POC1B: variants seen among roughly 807,000 people sequenced by gnomAD.
POC1B encodes POC1 centriolar protein B.
A neutral mutation model predicts 60.6 loss-of-function variants in POC1B; 44 were observed. The ratio of observed to expected loss-of-function variants is 0.73; its 90% CI spans 0.57 to 0.93. The LOEUF (loss-of-function observed/expected upper bound fraction) is 0.93, where lower values mean the gene tolerates loss of function less well. Ranked by LOEUF, POC1B falls within the 40% of genes least tolerant of loss-of-function variation. The pLI is 0.00. For synonymous variants in POC1B, 180 were observed against 198.9 expected (o/e 0.90, Z 0.80); for missense variants, 555 against 572.3 (o/e 0.97, Z 0.31).
chr12:89,510,863 T>C (rs997757801), intron 2 of POC1B, among the ~76,000 whole-genome samples: 1 of 150,568 alleles, frequency 6.6e-6, no homozygotes, highest in African/African-American at 2.4e-5. Flanking sequence ...GTTCAAGCAA[T>C]TCTCCTGCCT....
chr12:89,421,462 A>C (rs955130580), intron 11 of POC1B, among the ~76,000 whole-genome samples: 58 of 152,314 alleles, frequency 3.8e-4, no homozygotes, highest in African/African-American at 1.3e-3. Context: ...AGAAAAGAAA[A>C]GAAAAAGAAA....
At chr12:89,497,033 CTT>C (rs1345311840) in intron 3 of POC1B, 136 bp downstream of exon 3, 12 of 871,012 alleles carry the variant, frequency 1.4e-5, no homozygotes, top group Non-Finnish European at 2.1e-5. Flanking sequence ...ATTAGTTTGA[CTT>C]TACCACAAGG....
intron 9 of POC1B, among the ~76,000 whole-genome samples, chr12:89,466,162 C>T (rs1882676849): frequency 6.6e-6 from 1 of 152,180 alleles, no homozygotes; most frequent in African/African-American, 2.4e-5. Flanking sequence ...AATAGGCTAA[C>T]ATCAGCTAAG....
At chr12:89,509,884 T>C (rs556188870) in intron 2 of POC1B, among the ~76,000 whole-genome samples, 10 of 152,224 alleles carry the variant, frequency 6.6e-5, no homozygotes, top group Non-Finnish European at 1.3e-4. Context: ...CTCACTCTGT[T>C]GCCCAGGCTG....
Position 89,425,430 on chromosome 12 carries a change from AT to A in POC1B, c.1114-52del, listed in dbSNP as rs779805679. On this transcript the variant is annotated intron_variant, in intron 10 of 11. Transcript: ENST00000313546. ...AGAGTTATATTTTCCAAACTTTAAA[AT>A]GATATATATAAAAGTTTAAAATATT... 3.4e-6 allele frequency: 5 copies of A among 1,454,180 alleles called. No homozygotes were observed. The South Asian group carries it at 6.4e-5, about 19-fold the overall frequency. 90.1% of individuals were successfully genotyped at this position (1,454,180 alleles called of 1,614,324 possible).
intron 10 of POC1B, among the ~76,000 whole-genome samples, chr12:89,438,610 C>A (rs1231757843): frequency 6.6e-6 from 1 of 152,258 alleles, no homozygotes; most frequent in African/African-American, 2.4e-5. Context: ...GCTGCCATGA[C>A]ACCATACTCT....
chr12:89,516,447 T>C (rs1024447027), intron 2 of POC1B, among the ~76,000 whole-genome samples: 6 of 152,176 alleles, frequency 3.9e-5, no homozygotes, highest in Admixed American at 3.9e-4. Flanking sequence ...TTATCCTAGT[T>C]TGAACCAACA....
At position 89,459,859 on chromosome 12, in the gene POC1B, A is replaced by T. The variant is rs868835141; in HGVS notation, c.1033-141T>A. ...ATATTCATTACTATGGATAAAAAAA[A>T]TTTTAAGCTAAATGTTAGCCTACCA... On this transcript the variant is annotated intron_variant, in intron 9 of 11. Transcript: ENST00000313546. 1.0e-4 allele frequency: 53 copies of T among 513,120 alleles called. No homozygotes were observed. In the Middle Eastern group the frequency reaches 3.6e-3, roughly 35 times the overall value. 31.8% of individuals were successfully genotyped at this position (513,120 alleles called of 1,614,324 possible).
intron 2 of POC1B, among the ~76,000 whole-genome samples, chr12:89,509,633 G>A (rs1447958069): frequency 6.6e-6 from 1 of 152,162 alleles, no homozygotes; most frequent in African/African-American, 2.4e-5. Flanking sequence ...TATATCAATT[G>A]ATATAGGTAT....
the POC1B span, among the ~76,000 whole-genome samples, chr12:89,407,231 G>T: frequency 2.0e-5 from 3 of 151,482 alleles, no homozygotes; most frequent in Non-Finnish European, 4.4e-5. Context: ...TTTTTTGGGG[G>T]GTGTGTGTCG....
At chr12:89,454,073 G>C (rs950535140) in intron 10 of POC1B, among the ~76,000 whole-genome samples, 1 of 152,198 alleles carries the variant, frequency 6.6e-6, no homozygotes, top group South Asian at 2.1e-4. Context: ...AAATGGCAGA[G>C]TATCTCTTGC....
intron 2 of POC1B, chr12:89,520,314 T>C (rs1436498536): frequency 2.0e-5 from 3 of 152,090 alleles, no homozygotes; most frequent in Admixed American, 6.5e-5. Flanking sequence ...ATAAAAATAA[T>C]GTAATAAGTA....
intron 2 of POC1B, chr12:89,524,237 A>T (rs1565766204): frequency 8.7e-6 from 14 of 1,613,996 alleles, no homozygotes; most frequent in Non-Finnish European, 1.2e-5. Context: ...TCACTGAGGT[A>T]AATATTGATG....
chr12:89,469,507 A>G (rs1271521718), intron 7 of POC1B, among the ~76,000 whole-genome samples: 1 of 152,250 alleles, frequency 6.6e-6, no homozygotes, highest in Non-Finnish European at 1.5e-5. Context: ...AATGAGTCAC[A>G]GGCAACACTA....
chr12:89,408,420 C>T, the POC1B span, among the ~76,000 whole-genome samples: 1 of 152,078 alleles, frequency 6.6e-6, no homozygotes, highest in Non-Finnish European at 1.5e-5. Flanking sequence ...TACACTCCCA[C>T]CGACAGTGTA....
intron 10 of POC1B, among the ~76,000 whole-genome samples, chr12:89,452,591 A>C (rs964179101): frequency 1.2e-4 from 18 of 152,258 alleles, no homozygotes; most frequent in African/African-American, 4.3e-4. Context: ...GTGACTTTGA[A>C]ACTTAAAGAG....
At chr12:89,460,076 A>T in intron 9 of POC1B, 1 of 351,990 alleles carries the variant, frequency 2.8e-6, no homozygotes, top group South Asian at 2.4e-5. Context: ...AAAAGGTATT[A>T]AGATAACAAT....
Position 89,525,864 on chromosome 12 carries a change from C to G in POC1B, c.15+17G>C. 2.8e-6 allele frequency: 4 copies of G among 1,436,982 alleles called. No homozygotes were observed. The highest frequency in any genetic ancestry group is 2.8e-6 in the Non-Finnish European group (3 of 1,089,830). The allele number at this position is 1,436,982 out of a possible 1,614,324, so 89.0% of individuals were successfully genotyped here. On this transcript the variant is annotated intron_variant, in intron 1 of 11. Coordinates refer to ENST00000313546, the MANE Select transcript of POC1B (RefSeq NM_172240.3). ...GGCTCCAGGGAGGGACCCCCCCCAC[C>G]TCCAACCCGTCCTTACCGTGGCTGA...
At chr12:89,492,545 A>C (rs962169071) in intron 3 of POC1B, among the ~76,000 whole-genome samples, 1 of 152,198 alleles carries the variant, frequency 6.6e-6, no homozygotes, top group Non-Finnish European at 1.5e-5. Flanking sequence ...AATCATATTG[A>C]TACTCAAGAT....
Sources: allele counts gnomAD v4.1 joint callset (sites outside exome capture counted in the v4.1 genomes callset), GRCh38; gene constraint gnomAD v4.1.1; transcripts MANE v1.5; gene names NCBI Gene and HGNC (gene_info 2026-07-23, HGNC 2026-07-21).